The following DCT variants were observed in gnomAD, a reference collection of about 807,000 sequenced individuals.
The protein encoded by DCT is L-dopachrome tautomerase.
Under a neutral mutation model 53.0 loss-of-function variants are expected in DCT, and 47 were observed. That is an observed-to-expected ratio of 0.89 (90% confidence interval 0.70 to 1.13). The LOEUF is 1.13. Among genes scored for constraint, DCT ranks in the 50% most tolerant of loss-of-function variants. The pLI is 0.00. For synonymous variants in DCT, 244 were observed against 237.0 expected, an observed-to-expected ratio of 1.03 and a Z score of -0.27; for missense variants, 669 against 637.4, an observed-to-expected ratio of 1.05 and a Z score of -0.53.
the DCT span, among the ~76,000 whole-genome samples, chr13:94,537,654 G>A: frequency 1.3e-5 from 2 of 151,990 alleles, no homozygotes; most frequent in Non-Finnish European, 2.9e-5. Context: ...AAATAAAAAC[G>A]AAAACACTGA....
intron 6 of DCT, among the ~76,000 whole-genome samples, chr13:94,446,382 G>A (rs1246918079): frequency 6.6e-6 from 1 of 152,144 alleles, no homozygotes; most frequent in African/African-American, 2.4e-5. Context: ...GGTGGGTGGG[G>A]CCTGCAAGCA....
At chr13:94,519,971 C>T in the DCT span, among the ~76,000 whole-genome samples, 30 of 152,246 alleles carry the variant, frequency 2.0e-4, no homozygotes, top group African/African-American at 7.2e-4. Flanking sequence ...TTTAAGTGGT[C>T]CCTATCTGAC....
intron 7 of DCT, among the ~76,000 whole-genome samples, chr13:94,443,227 TC>T (rs1204199651): frequency 2.6e-5 from 4 of 152,096 alleles, no homozygotes; most frequent in African/African-American, 9.7e-5. Context: ...AAAACAAGAG[TC>T]AGCTCATTAG....
the DCT span, among the ~76,000 whole-genome samples, chr13:94,501,006 T>C: frequency 6.6e-6 from 1 of 152,144 alleles, no homozygotes; most frequent in Admixed American, 6.5e-5. Flanking sequence ...TTATAGATTT[T>C]AAAAGAATTT....
intron 2 of DCT, 132 bp from the exon 3 acceptor site, chr13:94,466,790 G>A (rs1260233341): frequency 4.3e-6 from 2 of 460,164 alleles, no homozygotes; most frequent in Non-Finnish European, 7.7e-6. Context: ...AAGTTTTGTT[G>A]TTATTTATAT....
intron 1 of DCT, among the ~76,000 whole-genome samples, chr13:94,477,847 A>T (rs1311418956): frequency 6.6e-6 from 1 of 152,106 alleles, no homozygotes; most frequent in African/African-American, 2.4e-5. Context: ...CCAGCCTACA[A>T]CAGTGTCCAA....
At chr13:94,545,522 G>C in the DCT span, among the ~76,000 whole-genome samples, 1 of 152,052 alleles carries the variant, frequency 6.6e-6, no homozygotes, top group Non-Finnish European at 1.5e-5. Context: ...AACCACAAAA[G>C]GCGCCTTAAA....
chr13:94,505,103 T>C, the DCT span, among the ~76,000 whole-genome samples: 39 of 151,966 alleles, frequency 2.6e-4, no homozygotes, highest in East Asian at 2.1e-3. Context: ...AGAAAATGTT[T>C]ATAAGAACAA....
At chr13:94,504,005 T>C in the DCT span, among the ~76,000 whole-genome samples, 2 of 152,246 alleles carry the variant, frequency 1.3e-5, no homozygotes, top group African/African-American at 2.4e-5. Context: ...GTTTTGTTTA[T>C]GTTGTTGCTT....
At chr13:94,446,513 C>A (rs1015943434) in intron 6 of DCT, among the ~76,000 whole-genome samples, 4 of 152,120 alleles carry the variant, frequency 2.6e-5, no homozygotes, top group Non-Finnish European at 5.9e-5. Flanking sequence ...AGTGTTTGCT[C>A]AATTACCCAA....
the DCT span, among the ~76,000 whole-genome samples, chr13:94,502,021 T>C: frequency 1.9e-5 from 2 of 103,736 alleles, no homozygotes; most frequent in South Asian, 4.0e-4. Context: ...CACTGTTCCA[T>C]AGCCCCAGCC....
chr13:94,472,214 C>T (rs1336705555), intron 1 of DCT, among the ~76,000 whole-genome samples: 1 of 151,802 alleles, frequency 6.6e-6, no homozygotes, highest in Non-Finnish European at 1.5e-5. Flanking sequence ...AAATAATTGG[C>T]TCTCTCATGT....
chr13:94,514,869 A>G, the DCT span, among the ~76,000 whole-genome samples: 1 of 152,232 alleles, frequency 6.6e-6, no homozygotes, highest in African/African-American at 2.4e-5. Context: ...GGATGGAAAA[A>G]GTTAACTAGG....
At chr13:94,496,233 C>CA in the DCT span, among the ~76,000 whole-genome samples, 1 of 152,046 alleles carries the variant, frequency 6.6e-6, no homozygotes, top group Non-Finnish European at 1.5e-5. Context: ...GTCTCACTGT[C>CA]ACTGGGCTGG....
the DCT span, among the ~76,000 whole-genome samples, chr13:94,545,905 A>G: frequency 6.6e-6 from 1 of 151,446 alleles, no homozygotes; most frequent in Admixed American, 6.6e-5. Flanking sequence ...CCCTCCTCAC[A>G]CTTCTAATGA....
At chr13:94,504,752 A>G in the DCT span, among the ~76,000 whole-genome samples, 1 of 152,176 alleles carries the variant, frequency 6.6e-6, no homozygotes, top group African/African-American at 2.4e-5. Flanking sequence ...AAATGCCCAT[A>G]AGCAACCCTC....
chr13:94,528,924 C>T, the DCT span, among the ~76,000 whole-genome samples: 1 of 151,988 alleles, frequency 6.6e-6, no homozygotes, highest in African/African-American at 2.4e-5. Context: ...CACATAGGCT[C>T]AAAATAAAGG....
chr13:94,480,756 C>G (rs954171108), upstream of DCT, among the ~76,000 whole-genome samples: 1 of 152,194 alleles, frequency 6.6e-6, no homozygotes, highest in Non-Finnish European at 1.5e-5. Flanking sequence ...TAGAAAACAT[C>G]TAGGCAATTC....
chr13:94,491,862 G>C, the DCT span, among the ~76,000 whole-genome samples: 1 of 152,130 alleles, frequency 6.6e-6, no homozygotes, highest in Admixed American at 6.5e-5. Context: ...TCCTATGCAT[G>C]GTCTCTGTGA....
Sources: gnomAD v4.1 joint callset for allele counts (sites outside exome capture counted in the v4.1 genomes callset) on GRCh38, gnomAD v4.1.1 for gene constraint, MANE v1.5 for transcripts, NCBI Gene and HGNC (gene_info 2026-07-23, HGNC 2026-07-21) for gene names.